The following OLR1 variants were observed in gnomAD, a reference collection of about 807,000 sequenced individuals.
The protein encoded by OLR1 is oxidized low density lipoprotein receptor 1.
OLR1 carries 23 observed loss-of-function variants against 31.7 expected under a neutral mutation model. The observed-to-expected ratio is 0.72, with a 90% CI of 0.52 to 1.03. The LOEUF is 1.03. OLR1 is among the 50% of genes least tolerant of loss of function. The pLI, the probability that OLR1 is intolerant of heterozygous loss-of-function variation, is 0.00. For synonymous variants in OLR1, 117 were observed against 115.8 expected, an observed-to-expected ratio of 1.01 and a Z score of -0.07; for missense variants, 286 against 315.7, an observed-to-expected ratio of 0.91 and a Z score of 0.71.
At position 10,158,823 on chromosome 12, in the gene OLR1, TTG is replaced by T. The variant is rs1249891594; in HGVS notation, c.*1055_*1056del. 2 of 150,702 alleles carry T rather than the reference TTG, an allele frequency of 1.3e-5. No homozygotes were observed. Among genetic ancestry groups the T allele is most frequent in the Non-Finnish European group, 3.0e-5 (2 of 67,750 alleles). 9.3% of individuals were successfully genotyped at this position (150,702 alleles called of 1,614,324 possible). A position where few individuals can be genotyped will look rare whatever the true frequency, so the allele number is the denominator to read the frequency against. ...AAAAAAAAAAAAGATTCCTGCTAGA[TTG>T]TGTGCAGCAAAATAAAAAGGCTTCC... On this transcript the variant is annotated 3_prime_UTR_variant, in exon 6 of 6. Transcript: ENST00000309539.
chr12:10,167,894 A>G (rs189729608), intron 2 of OLR1, among the ~76,000 whole-genome samples: 1 of 152,318 alleles, frequency 6.6e-6, no homozygotes, highest in East Asian at 1.9e-4. Context: ...TTGATGGTGC[A>G]ATACAAAGCA....
At chr12:10,171,528 G>A (rs1211580053) in intron 1 of OLR1, among the ~76,000 whole-genome samples, 2 of 152,192 alleles carry the variant, frequency 1.3e-5, no homozygotes, top group Admixed American at 1.3e-4. Context: ...GTGCCTGAAG[G>A]ACTCTTACAG....
At chr12:10,162,247 A>T (rs1948627016) in intron 3 of OLR1, among the ~76,000 whole-genome samples, 1 of 152,156 alleles carries the variant, frequency 6.6e-6, no homozygotes, top group Non-Finnish European at 1.5e-5. Flanking sequence ...CTACAACCAA[A>T]AGGTGAAAAA....
upstream of OLR1, among the ~76,000 whole-genome samples, chr12:10,172,817 G>T (rs1452263722): frequency 6.6e-6 from 1 of 152,138 alleles, no homozygotes; most frequent in East Asian, 1.9e-4. Flanking sequence ...ATGTCTACCT[G>T]ATAACATTGT....
In OLR1 at chr12:10,171,983, AT is replaced by A; in HGVS notation, c.76+18del. 4.4e-6 allele frequency: 7 copies of A among 1,592,852 alleles called. No homozygotes were observed. Among genetic ancestry groups the A allele is most frequent in the Non-Finnish European group, 6.0e-6 (7 of 1,160,954 alleles). On this transcript the variant is annotated intron_variant, in intron 1 of 5. Transcript: ENST00000309539. ...ACACTGGGATTCTTTCCCTGTACAC[AT>A]TTTCCCATCCCTAGTACCTTTAGCT...
intron 3 of OLR1, among the ~76,000 whole-genome samples, chr12:10,164,512 T>C (rs1389380553): frequency 6.6e-6 from 1 of 152,224 alleles, no homozygotes; most frequent in Non-Finnish European, 1.5e-5. Flanking sequence ...CTGTGAACTA[T>C]TATTATATGC....
intron 3 of OLR1, among the ~76,000 whole-genome samples, chr12:10,164,614 C>G (rs1177878959): frequency 2.6e-5 from 4 of 152,158 alleles, no homozygotes; most frequent in African/African-American, 9.7e-5. Context: ...AAGTTTTTCT[C>G]TAATCCTGAC....
chr12:10,164,498 G>C (rs755638137), intron 3 of OLR1, among the ~76,000 whole-genome samples: 3 of 152,142 alleles, frequency 2.0e-5, no homozygotes, highest in Admixed American at 2.0e-4. Flanking sequence ...AAAAGCTTAG[G>C]TATCTGTGAA....
At chr12:10,172,330 T>A (rs1340049928), upstream of OLR1, 1 of 374,114 alleles carries the variant, frequency 2.7e-6, no homozygotes, top group Non-Finnish European at 4.9e-6. Flanking sequence ...GCTAAGTAAT[T>A]TATGAAAGGG....
Position 10,166,902 on chromosome 12 carries a change from T to C in OLR1, c.234A>G (p.Lys78=). The part of the protein sequence containing the change: ...TQEQANLTHQ[K]KKLEGQISAR... ...CTGAGATCTGTCCCTCCAGTTTCTTTTTCTGGTGAGTTAGGTTTGCTTGCT... is the reference window on the plus strand; with the variant it reads ...CTGAGATCTGTCCCTCCAGTTTCTTCTTCTGGTGAGTTAGGTTTGCTTGCT... The change falls in exon 3 of 6, where the codon AAA becomes AAG. Residue 78 remains lysine (K), a synonymous_variant. Transcript: ENST00000309539. The C allele has an allele frequency of 6.2e-7, 1 of 1,613,826 alleles. No homozygotes were observed. The highest frequency in any genetic ancestry group is 1.1e-5 in the South Asian group (1 of 91,060).
In OLR1 at chr12:10,159,788, G is replaced by C; in HGVS notation, c.*92C>G. ...AGCCAGCTAAATGACAGTTTTCTGGGCTCTCATGTTTGGCACCCAAGTGAC... is the reference window on the plus strand; with the variant it reads ...AGCCAGCTAAATGACAGTTTTCTGGCCTCTCATGTTTGGCACCCAAGTGAC... On this transcript the variant is annotated 3_prime_UTR_variant, in exon 6 of 6. Coordinates refer to ENST00000309539, the MANE Select transcript of OLR1 (RefSeq NM_002543.4). 1.5e-6 allele frequency: 2 copies of C among 1,302,616 alleles called. No individual in the cohort carries two copies. Among genetic ancestry groups the C allele is most frequent in the Non-Finnish European group, 2.1e-6 (2 of 960,094 alleles). 80.7% of individuals were successfully genotyped at this position (1,302,616 alleles called of 1,614,324 possible).
intron 3 of OLR1, among the ~76,000 whole-genome samples, chr12:10,163,195 G>C (rs572207137): frequency 6.6e-6 from 1 of 152,202 alleles, no homozygotes; most frequent in African/African-American, 2.4e-5. Context: ...TTGACAAATA[G>C]AGAAGAATCT....
rs1948602207 is a variant in OLR1, at chr12:10,159,511, C to T, written c.*369G>A. On this transcript the variant is annotated 3_prime_UTR_variant, in exon 6 of 6. Coordinates refer to ENST00000309539, the MANE Select transcript of OLR1 (RefSeq NM_002543.4). ...CTCTCTGCCTGCACTTGAGCAAGTT[C>T]TCCATGTTCTGTCTTTCATGCAATT... 6.1e-6 allele frequency: 1 copy of T among 163,300 alleles called. No homozygotes were observed. The highest frequency in any genetic ancestry group is 2.4e-5 in the African/African-American group (1 of 41,862). 10.1% of individuals were successfully genotyped at this position (163,300 alleles called of 1,614,324 possible).
rs746043562 is a variant in OLR1 at position 10,166,944 on chromosome 12, A to G, written c.192T>C (p.Ser64=). ...MVLGMQLSQV[S]DLLTQEQANL... is the part of the protein sequence containing the mutation. ...TTGCTTGCTCTTGTGTTAGGAGGTC[A>G]GACACCTGGGATACTGAATCACAGT... Residue 64 remains serine (S), a synonymous_variant, in exon 3 of 6, where the codon TCT becomes TCC. Transcript: ENST00000309539. 6 of 1,613,404 alleles carry G rather than the reference A, an allele frequency of 3.7e-6. No homozygotes were observed. The highest frequency in any genetic ancestry group is 1.7e-5 in the Admixed American group (1 of 59,836).
At chr12:10,175,757 G>A (rs1211064661), upstream of OLR1, among the ~76,000 whole-genome samples, 3 of 152,176 alleles carry the variant, frequency 2.0e-5, no homozygotes, top group Non-Finnish European at 4.4e-5. Flanking sequence ...ATTTATTTTT[G>A]AAATCAGGGC....
rs1295664096 is a variant in OLR1 at position 10,158,866 on chromosome 12, C to G, written c.*1014G>C. 6.6e-6 allele frequency: 1 copy of G among 151,430 alleles called. No homozygotes were observed. Among genetic ancestry groups the G allele is most frequent in the African/African-American group, 2.4e-5 (1 of 41,266 alleles). The allele number at this position is 151,430 out of a possible 1,614,324, so 9.4% of individuals were successfully genotyped here. A position where few individuals can be genotyped will look rare whatever the true frequency, so the allele number is the denominator to read the frequency against. On this transcript the variant is annotated 3_prime_UTR_variant, in exon 6 of 6. Transcript: ENST00000309539. ...AAAGGCTTCCTTTAAAGTAGAATAG[C>G]CTGTGAAGAGTGGGTGGAAAGGAAA...
At chr12:10,161,943 AT>A (rs1036900989) in intron 3 of OLR1, among the ~76,000 whole-genome samples, 7,383 of 57,580 alleles carry the variant, frequency 0.13, 577 homozygotes, top group African/African-American at 0.25. Flanking sequence ...ATATATATAT[AT>A]AAAAAACACA....
In OLR1 at chr12:10,172,059, T is replaced by C; in HGVS notation, c.19A>G (p.Lys7Glu). 6.2e-7 allele frequency: 1 copy of C among 1,613,744 alleles called. No homozygotes were observed. Among genetic ancestry groups the C allele is most frequent in the South Asian group, 1.1e-5 (1 of 91,070 alleles). Residue 7 changes from lysine (K) to glutamate (E), a missense_variant, in exon 1 of 6, where the codon AAG becomes GAG. Lys to Glu is a moderately conservative substitution (Grantham distance 56). Coordinates refer to ENST00000309539, the MANE Select transcript of OLR1 (RefSeq NM_002543.4). ...GGCTGGTCCTTCACAGTCTGGATCT[T>C]TAGGTCATCAAAAGTCATTTCCAAA... MTFDDLKIQTVKDQPDE... is the reference protein window; with the variant it reads MTFDDLEIQTVKDQPDE...
intron 3 of OLR1, among the ~76,000 whole-genome samples, chr12:10,165,768 A>T (rs1190177050): frequency 6.6e-6 from 1 of 151,546 alleles, no homozygotes; most frequent in Admixed American, 6.6e-5. Context: ...CTCAAAAAAT[A>T]AAAAAAAAGA....
Sources: allele counts gnomAD v4.1 joint callset (sites outside exome capture counted in the v4.1 genomes callset), GRCh38; gene constraint gnomAD v4.1.1; transcripts MANE v1.5; gene names NCBI Gene and HGNC (gene_info 2026-07-23, HGNC 2026-07-21).